TTLL5: variants seen among roughly 807,000 people sequenced by gnomAD.
TTLL5 encodes the protein tubulin tyrosine ligase like 5, also known as tubulin polyglutamylase TTLL5.
TTLL5 carries 132 observed loss-of-function variants against 168.4 expected under a neutral mutation model. The observed-to-expected ratio is 0.78, with a 90% confidence interval of 0.68 to 0.91. TTLL5 has a LOEUF of 0.91. Among genes scored for constraint, TTLL5 ranks in the 40% least tolerant of loss-of-function variants. TTLL5 has a pLI of 0.00. For missense variants in TTLL5, 1,545 were observed against 1,581.5 expected (o/e 0.98, Z 0.39); for synonymous variants, 546 against 558.6 (o/e 0.98, Z 0.32).
chr14:75,722,516 A>G (rs1384397356), intron 12 of TTLL5, among the ~76,000 whole-genome samples: 2 of 152,238 alleles, frequency 1.3e-5, no homozygotes, highest in East Asian at 3.9e-4. Flanking sequence ...TGTTTTGTTT[A>G]TACATACACT....
chr14:75,920,308 A>G (rs528944943), intron 31 of TTLL5, among the ~76,000 whole-genome samples: 4 of 152,310 alleles, frequency 2.6e-5, no homozygotes, highest in African/African-American at 9.6e-5. Flanking sequence ...GTACAAGTGC[A>G]CAACGTGTAG....
At chr14:75,697,269 A>G (rs1413464374) in intron 6 of TTLL5, among the ~76,000 whole-genome samples, 1 of 152,236 alleles carries the variant, frequency 6.6e-6, no homozygotes, top group Non-Finnish European at 1.5e-5. Flanking sequence ...GACCCTTCAT[A>G]CAGATGCATT....
In TTLL5 at chr14:75,789,019, A is replaced by G. The variant is rs1416292126; in HGVS notation, c.2987-3897A>G. 3.3e-5 allele frequency among the ~76,000 whole-genome samples: 5 copies of G among 152,206 alleles called. No individual in the cohort carries two copies. The East Asian group carries it at 9.6e-4, about 29-fold the overall frequency. ...CCATATTCTTCATCATGGTACATGC[A>G]GAAAAAGAATTCGATAAAATTCTGC... On this transcript the variant is annotated intron_variant, in intron 26 of 31. Transcript: ENST00000298832.
intron 29 of TTLL5, among the ~76,000 whole-genome samples, chr14:75,870,263 C>CTTTT (rs60865248): frequency 7.1e-6 from 1 of 140,786 alleles, no homozygotes; most frequent in African/African-American, 2.6e-5. Context: ...TTACCTCAAT[C>CTTTT]TTTTTTTTTT....
At chr14:75,895,120 C>T (rs1213716495) in intron 30 of TTLL5, among the ~76,000 whole-genome samples, 2 of 152,256 alleles carry the variant, frequency 1.3e-5, no homozygotes, top group East Asian at 3.9e-4. Flanking sequence ...TTTAGGGGCA[C>T]ATGTTCTCAG....
At position 75,783,460 on chromosome 14, in the gene TTLL5, C is replaced by G. The variant is rs781332034; in HGVS notation, c.2916C>G (p.Pro972=). The G allele has an allele frequency of 2.5e-6, 4 of 1,614,226 alleles. No individual in the cohort carries two copies. The East Asian group carries it at 8.9e-5, about 36-fold the overall frequency. The change falls in exon 26 of 32, where the codon CCC becomes CCG. Residue 972 remains proline, a synonymous_variant. Coordinates refer to ENST00000298832, the MANE Select transcript of TTLL5 (RefSeq NM_015072.5). ...RCRSGSHTIG[P]FSSFQSAAHI... is the part of the protein sequence containing the mutation. Reference sequence around the variant, plus strand: ...GATCAGGAAGTCACACCATTGGTCCCTTTTCTTCCTTCCAAAGTGCTGCAC... The same window carrying G: ...GATCAGGAAGTCACACCATTGGTCCGTTTTCTTCCTTCCAAAGTGCTGCAC...
chr14:75,840,276 G>A (rs146154241), intron 28 of TTLL5, among the ~76,000 whole-genome samples: 2,220 of 152,164 alleles, frequency 0.015, 17 homozygotes, highest in South Asian at 0.025. Context: ...TATGCAGAAC[G>A]TGCAGGTTTG....
At chr14:75,945,630 C>T (rs1042860088) in intron 31 of TTLL5, among the ~76,000 whole-genome samples, 3 of 151,852 alleles carry the variant, frequency 2.0e-5, no homozygotes, top group African/African-American at 4.8e-5. Flanking sequence ...ATTGGGAATG[C>T]AGCACAGAAA....
At chr14:75,943,028 C>T (rs1295835232) in intron 31 of TTLL5, among the ~76,000 whole-genome samples, 3 of 151,980 alleles carry the variant, frequency 2.0e-5, no homozygotes, top group African/African-American at 7.3e-5. Context: ...CAGGCCAAGC[C>T]ATTAAAGCAA....
intron 31 of TTLL5, among the ~76,000 whole-genome samples, chr14:75,918,678 T>C (rs1340944613): frequency 6.6e-6 from 1 of 152,190 alleles, no homozygotes; most frequent in African/African-American, 2.4e-5. Flanking sequence ...CTGAGTACAA[T>C]ATAAAATTAT....
At chr14:75,775,654 G>T (rs370536848) in intron 22 of TTLL5, 24 bp downstream of exon 22, 224 of 1,612,954 alleles carry the variant, frequency 1.4e-4, no homozygotes, top group Non-Finnish European at 1.8e-4. Context: ...TGTTAGTCTT[G>T]TGCTTTGGAT....
chr14:75,679,074 C>T (rs992034382), intron 3 of TTLL5, among the ~76,000 whole-genome samples: 2 of 152,134 alleles, frequency 1.3e-5, no homozygotes, highest in Admixed American at 6.6e-5. Context: ...GAATAATGGT[C>T]CCTTAAAGAT....
At chr14:75,871,137 A>G (rs1185955107) in intron 29 of TTLL5, among the ~76,000 whole-genome samples, 1 of 152,168 alleles carries the variant, frequency 6.6e-6, no homozygotes, top group African/African-American at 2.4e-5. Context: ...ATCTTAGTGT[A>G]TTATTACAAT....
chr14:75,788,063 A>T (rs1156922530), intron 26 of TTLL5, among the ~76,000 whole-genome samples: 1 of 152,156 alleles, frequency 6.6e-6, no homozygotes, highest in African/African-American at 2.4e-5. Flanking sequence ...AGGTGGGAGG[A>T]TTGCTTGAGC....
intron 4 of TTLL5, among the ~76,000 whole-genome samples, chr14:75,682,625 A>G (rs988199701): frequency 1.3e-5 from 2 of 152,168 alleles, no homozygotes; most frequent in African/African-American, 4.8e-5. Context: ...AGAAAGTTGG[A>G]AGATTGGAAT....
chr14:75,733,365 G>C (rs965776246), intron 13 of TTLL5, among the ~76,000 whole-genome samples: 4 of 152,180 alleles, frequency 2.6e-5, no homozygotes, highest in African/African-American at 7.2e-5. Flanking sequence ...GGCCGTCACT[G>C]CCGCAGGGAG....
chr14:75,886,918 G>C, intron 30 of TTLL5: 1 of 1,443,120 alleles, frequency 6.9e-7, no homozygotes, highest in Non-Finnish European at 9.0e-7. Flanking sequence ...CAGACTGAAT[G>C]AATTTGAAAG....
At chr14:75,766,498 T>C in intron 20 of TTLL5, 130 bp downstream of exon 20, 2 of 915,976 alleles carry the variant, frequency 2.2e-6, no homozygotes, top group Admixed American at 3.0e-5. Context: ...AAATAATGAC[T>C]GTGATTAGAT....
At chr14:75,737,468 A>T (rs965183440) in intron 15 of TTLL5, 1 of 1,264,174 alleles carries the variant, frequency 7.9e-7, no homozygotes, top group Non-Finnish European at 1.1e-6. Context: ...CTGCTTGGAG[A>T]TTATTTTTTC....
Sources: gnomAD v4.1 joint callset for allele counts (sites outside exome capture counted in the v4.1 genomes callset) on GRCh38, gnomAD v4.1.1 for gene constraint, MANE v1.5 for transcripts, NCBI Gene and HGNC (gene_info 2026-07-23, HGNC 2026-07-21) for gene names.